Variants in ALK observed in about 807,000 individuals in gnomAD.
ALK encodes the protein ALK receptor tyrosine kinase, also known as ALK tyrosine kinase receptor.
In ALK, 74 loss-of-function variants were observed where a neutral mutation model predicts 163.1. The ratio of observed to expected loss-of-function variants is 0.45; its 90% CI spans 0.38 to 0.55. The LOEUF (loss-of-function observed/expected upper bound fraction) is 0.55. Ranked by LOEUF, ALK falls within the 20% of genes least tolerant of loss-of-function variation. The probability of loss-of-function intolerance (pLI) is 0.00; values close to 1 mark genes in which losing one functional copy is unlikely to be tolerated. For missense variants in ALK, 2,063 were observed against 2,105.3 expected (o/e 0.98, Z 0.39); for synonymous variants, 960 against 843.2 (o/e 1.14, Z -2.40).
chr2:29,537,127 G>A (rs1673279417), intron 3 of ALK, among the ~76,000 whole-genome samples: 1 of 152,218 alleles, frequency 6.6e-6, no homozygotes. Flanking sequence ...TTTTTCAGGG[G>A]AGGAATTCAA....
At position 29,699,955 on chromosome 2, in the gene ALK, G is replaced by C. The variant is rs560786640; in HGVS notation, c.788-4941C>G. On this transcript the variant is annotated intron_variant, in intron 2 of 28. Coordinates refer to ENST00000389048, the MANE Select transcript of ALK (RefSeq NM_004304.5). Reference sequence around the variant, plus strand: ...TCTGGGCTTGGTCCTGCACAGAGCAGCTGAGACCCCAGCAGGTCTATTTCT... The same window carrying C: ...TCTGGGCTTGGTCCTGCACAGAGCACCTGAGACCCCAGCAGGTCTATTTCT... 1.2e-3 allele frequency among the ~76,000 whole-genome samples: 187 copies of C among 152,348 alleles called. 1 individual carries two copies. Among genetic ancestry groups the C allele is most frequent in the South Asian group, 7.0e-3 (34 of 4,830 alleles).
chr2:29,567,111 G>A (rs572001114), intron 3 of ALK, among the ~76,000 whole-genome samples: 2 of 152,196 alleles, frequency 1.3e-5, no homozygotes, highest in Admixed American at 1.3e-4. Flanking sequence ...CTGGGGTGGT[G>A]CTCTATGTAA....
chr2:29,695,041 A>G, intron 2 of ALK, 27 bp from the exon 3 acceptor site: 2 of 1,613,806 alleles, frequency 1.2e-6, no homozygotes, highest in Non-Finnish European at 1.7e-6. Flanking sequence ...GGGTCAATGG[A>G]AAAAACCATT....
intron 5 of ALK, among the ~76,000 whole-genome samples, chr2:29,345,377 C>T (rs931036471): frequency 6.6e-6 from 1 of 151,664 alleles, no homozygotes; most frequent in South Asian, 2.1e-4. Context: ...GCACTGCAAT[C>T]CAGCCTGGGT....
At chr2:29,486,958 T>TA (rs994072071) in intron 4 of ALK, among the ~76,000 whole-genome samples, 81 of 152,318 alleles carry the variant, frequency 5.3e-4, no homozygotes, top group African/African-American at 1.9e-3. Flanking sequence ...ACAGCAATTT[T>TA]AAAAAATGTA....
chr2:29,909,480 C>CAGAG (rs369360033), intron 1 of ALK, among the ~76,000 whole-genome samples: 2,909 of 135,890 alleles, frequency 0.021, 47 homozygotes, highest in East Asian at 0.069. Context: ...GACAGACAGA[C>CAGAG]AGAGAGAGAG....
At chr2:29,392,430 G>T (rs1669196489) in intron 4 of ALK, among the ~76,000 whole-genome samples, 1 of 152,176 alleles carries the variant, frequency 6.6e-6, no homozygotes, top group African/African-American at 2.4e-5. Flanking sequence ...GTGGGTCAGA[G>T]GTGGGTTGTG....
chr2:29,633,492 T>G (rs188187178), intron 3 of ALK, among the ~76,000 whole-genome samples: 143 of 151,838 alleles, frequency 9.4e-4, no homozygotes, highest in African/African-American at 3.3e-3. Context: ...AAATCAACAA[T>G]CTATGCTCCC....
In ALK at chr2:29,222,291, G is replaced by C. The variant is rs76002034; in HGVS notation, c.3515+53C>G. 0.038 allele frequency: 58,644 copies of C among 1,550,682 alleles called. 1,305 individuals carry two copies. The highest frequency in any genetic ancestry group is 0.044 in the Middle Eastern group (260 of 5,938). ...ATCGATCTGTTAGAAACCTCTCCAG[G>C]TTCTTTGGGGGCAGAGGGGAGTTGG... On this transcript the variant is annotated intron_variant, in intron 22 of 28. Coordinates refer to ENST00000389048, the MANE Select transcript of ALK (RefSeq NM_004304.5).
chr2:29,261,242 G>A (rs2148205423), intron 11 of ALK, among the ~76,000 whole-genome samples: 1 of 152,308 alleles, frequency 6.6e-6, no homozygotes, highest in Admixed American at 6.5e-5. Context: ...TGCAGGTCTT[G>A]TGGTTGTTGG....
At chr2:29,626,391 G>T (rs138136311) in intron 3 of ALK, among the ~76,000 whole-genome samples, 2 of 152,206 alleles carry the variant, frequency 1.3e-5, no homozygotes, top group Admixed American at 6.5e-5. Context: ...ATAAACAGGA[G>T]CTCCCCTGCA....
chr2:29,657,230 C>T (rs1677209378), intron 3 of ALK, among the ~76,000 whole-genome samples: 1 of 152,190 alleles, frequency 6.6e-6, no homozygotes. Context: ...GTAAAGATAA[C>T]ATTGGAAAAG....
chr2:29,520,753 G>A (rs1452418751), intron 4 of ALK, among the ~76,000 whole-genome samples: 1 of 152,140 alleles, frequency 6.6e-6, no homozygotes, highest in Non-Finnish European at 1.5e-5. Flanking sequence ...AACGAATCAT[G>A]GGTCCAGAGA....
chr2:29,479,370 A>C (rs1317806296), intron 4 of ALK, among the ~76,000 whole-genome samples: 3 of 152,234 alleles, frequency 2.0e-5, no homozygotes, highest in Non-Finnish European at 2.9e-5. Context: ...AAGCAGGCCC[A>C]GAGGACGCTT....
At chr2:29,818,997 C>T (rs114909345) in intron 1 of ALK, among the ~76,000 whole-genome samples, 263 of 152,276 alleles carry the variant, frequency 1.7e-3, no homozygotes, top group African/African-American at 6.2e-3. Context: ...ATCCCAAGTC[C>T]AGCCAGAGTG....
intron 1 of ALK, among the ~76,000 whole-genome samples, chr2:29,730,803 TC>T (rs1679722500): frequency 6.6e-6 from 1 of 152,176 alleles, no homozygotes; most frequent in Non-Finnish European, 1.5e-5. Flanking sequence ...GCTGACAGGC[TC>T]CATAGGTCAG....
chr2:29,654,142 C>A (rs1481257607), intron 3 of ALK, among the ~76,000 whole-genome samples: 1 of 152,098 alleles, frequency 6.6e-6, no homozygotes, highest in African/African-American at 2.4e-5. Flanking sequence ...AGTCCAACAG[C>A]CCTGTGAGAT....
intron 3 of ALK, among the ~76,000 whole-genome samples, chr2:29,563,992 A>G (rs957819631): frequency 2.6e-5 from 4 of 152,036 alleles, no homozygotes; most frequent in African/African-American, 9.7e-5. Context: ...CCCCTTCCCA[A>G]TATAAAAAGA....
intron 1 of ALK, among the ~76,000 whole-genome samples, chr2:29,881,460 G>A (rs944664049): frequency 7.9e-5 from 12 of 152,186 alleles, no homozygotes; most frequent in Admixed American, 2.0e-4. Flanking sequence ...AAAGATAGAT[G>A]GGGCTTAATT....
Sources: gnomAD v4.1 joint callset for allele counts (sites outside exome capture counted in the v4.1 genomes callset) on GRCh38, gnomAD v4.1.1 for gene constraint, MANE v1.5 for transcripts, NCBI Gene and HGNC (gene_info 2026-07-23, HGNC 2026-07-21) for gene names.